The following CDK5RAP2 variants were observed in gnomAD, a reference collection of about 807,000 sequenced individuals.
CDK5RAP2 encodes the protein CDK5 regulatory subunit-associated protein 2.
CDK5RAP2 carries 147 observed loss-of-function variants against 232.9 expected under a neutral mutation model. The ratio of observed to expected loss-of-function variants is 0.63; its 90% CI spans 0.55 to 0.72. CDK5RAP2 has a LOEUF of 0.72. CDK5RAP2 is among the 30% of genes least tolerant of loss of function. The pLI is 0.00. For missense variants in CDK5RAP2, 2,195 were observed against 2,231.5 expected (o/e 0.98, Z 0.33); for synonymous variants, 833 against 833.7 (o/e 1.00, Z 0.01).
At chr9:120,425,852 G>A (rs187387141) in intron 25 of CDK5RAP2, among the ~76,000 whole-genome samples, 104 of 152,280 alleles carry the variant, frequency 6.8e-4, no homozygotes, top group Non-Finnish European at 1.3e-3. Context: ...TGAATGAGGA[G>A]CCACCCTATC....
chr9:120,465,664 C>T (rs954126768), intron 18 of CDK5RAP2, among the ~76,000 whole-genome samples: 2 of 151,184 alleles, frequency 1.3e-5, no homozygotes, highest in Non-Finnish European at 1.5e-5. Context: ...TCTATCTGTC[C>T]TTTGGCCTAC....
intron 25 of CDK5RAP2, among the ~76,000 whole-genome samples, chr9:120,423,948 A>G (rs932647836): frequency 3.3e-5 from 5 of 152,222 alleles, no homozygotes; most frequent in African/African-American, 1.2e-4. Flanking sequence ...CTGGGCACCA[A>G]GAGTCAGTGC....
intron 3 of CDK5RAP2, among the ~76,000 whole-genome samples, chr9:120,565,503 A>C (rs1300849716): frequency 1.3e-5 from 2 of 152,128 alleles, no homozygotes; most frequent in Non-Finnish European, 2.9e-5. Flanking sequence ...CAAAAACCAA[A>C]CAAAGCAGTG....
intron 4 of CDK5RAP2, among the ~76,000 whole-genome samples, chr9:120,548,347 A>C (rs2041926327): frequency 6.6e-6 from 1 of 152,172 alleles, no homozygotes; most frequent in Non-Finnish European, 1.5e-5. Flanking sequence ...TGATGAACCA[A>C]CAGGCACTCC....
chr9:120,473,439 A>G (rs112393349), intron 15 of CDK5RAP2, among the ~76,000 whole-genome samples: 9,770 of 152,274 alleles, frequency 0.064, 1,021 homozygotes, highest in African/African-American at 0.22. Context: ...AGAGGCAATT[A>G]CTCCAAATAT....
chr9:120,528,019 TTCTA>T, intron 9 of CDK5RAP2, 94 bp from the exon 10 acceptor site: 1 of 1,460,646 alleles, frequency 6.8e-7, no homozygotes, highest in East Asian at 2.3e-5. Flanking sequence ...AATGCAGTTA[TTCTA>T]TCTTATTCCT....
Position 120,560,957 on chromosome 9 carries a change from C to T in CDK5RAP2, c.195+7364G>A, listed in dbSNP as rs59722961. ...AAATAATGGTATGTGTATACACACA[C>T]ACACAGTAAAGCCTTTTTTAAAAAG... On this transcript the variant is annotated intron_variant, in intron 3 of 37. Coordinates refer to ENST00000349780, the MANE Select transcript of CDK5RAP2 (RefSeq NM_018249.6). Among the ~76,000 whole-genome samples, 558 of 151,984 alleles carry T rather than the reference C, an allele frequency of 3.7e-3. 3 individuals carry two copies. The highest frequency in any genetic ancestry group is 0.012 in the African/African-American group (514 of 41,426).
chr9:120,525,921 C>A (rs1171176904), intron 10 of CDK5RAP2, among the ~76,000 whole-genome samples: 1 of 152,182 alleles, frequency 6.6e-6, no homozygotes, highest in Non-Finnish European at 1.5e-5. Flanking sequence ...CCCAAAGTGA[C>A]TACTATCACT....
At chr9:120,550,228 C>A (rs1370471421) in intron 4 of CDK5RAP2, among the ~76,000 whole-genome samples, 2 of 152,184 alleles carry the variant, frequency 1.3e-5, no homozygotes, top group Non-Finnish European at 2.9e-5. Context: ...CAGGCAAGCA[C>A]ACAGGAATAC....
At chr9:120,575,273 G>A (rs1426992720) in intron 1 of CDK5RAP2, among the ~76,000 whole-genome samples, 1 of 151,990 alleles carries the variant, frequency 6.6e-6, no homozygotes, top group Non-Finnish European at 1.5e-5. Context: ...GGCTGGTCTT[G>A]AACTCCTGAG....
chr9:120,500,576 A>G (rs1031532772), intron 12 of CDK5RAP2, among the ~76,000 whole-genome samples: 2 of 152,214 alleles, frequency 1.3e-5, no homozygotes, highest in African/African-American at 4.8e-5. Context: ...ATATTTGACT[A>G]TTGTTTGAAT....
At chr9:120,401,435 A>AC (rs1176875776) in intron 34 of CDK5RAP2, among the ~76,000 whole-genome samples, 1 of 151,740 alleles carries the variant, frequency 6.6e-6, no homozygotes, top group Non-Finnish European at 1.5e-5. Context: ...ACATAGTGAG[A>AC]CCCCCATCTC....
At chr9:120,540,931 A>G (rs1302178787) in intron 5 of CDK5RAP2, among the ~76,000 whole-genome samples, 2 of 152,154 alleles carry the variant, frequency 1.3e-5, no homozygotes, top group Non-Finnish European at 2.9e-5. Flanking sequence ...CAAGGCGCCT[A>G]TTTCCATTTC....
At chr9:120,423,156 C>T (rs114321663) in intron 25 of CDK5RAP2, among the ~76,000 whole-genome samples, 13 of 152,218 alleles carry the variant, frequency 8.5e-5, no homozygotes, top group African/African-American at 3.1e-4. Context: ...ATGGAAGATA[C>T]CATATTACAA....
intron 17 of CDK5RAP2, 100 bp downstream of exon 17, chr9:120,470,011 G>C: frequency 5.9e-6 from 4 of 683,382 alleles, no homozygotes. Context: ...GAAGGAAGGA[G>C]AGAGGCCTTC....
At chr9:120,389,570 G>A (rs978426117) in intron 37 of CDK5RAP2, among the ~76,000 whole-genome samples, 171 bp downstream of exon 37, 5 of 152,126 alleles carry the variant, frequency 3.3e-5, no homozygotes, top group East Asian at 1.9e-4. Flanking sequence ...CCCTACTGGC[G>A]ACAGGGCATG....
At chr9:120,397,924 C>A (rs2032659006) in intron 35 of CDK5RAP2, among the ~76,000 whole-genome samples, 1 of 152,180 alleles carries the variant, frequency 6.6e-6, no homozygotes, top group South Asian at 2.1e-4. Flanking sequence ...CCAGGGCCCA[C>A]ACTTATGGGA....
At position 120,439,532 on chromosome 9, in the gene CDK5RAP2, T is replaced by C; in HGVS notation, c.3589A>G (p.Arg1197Gly). The C allele has an allele frequency of 1.2e-6, 2 of 1,614,238 alleles. No individual in the cohort carries two copies. Among genetic ancestry groups the C allele is most frequent in the East Asian group, 4.5e-5 (2 of 44,886 alleles). Reference sequence around the variant, plus strand: ...TGCTGTTTGAGGTTCTCCAGCACCCTGCTGTCAATCATCTCTGGGGCCAGC... The same window carrying C: ...TGCTGTTTGAGGTTCTCCAGCACCCCGCTGTCAATCATCTCTGGGGCCAGC... The part of the protein sequence containing the change: ...GPLAPEMIDS[R>G]VLENLKQQLE... The change falls in exon 24 of 38, where the codon AGG (arginine) becomes GGG (glycine). Residue 1197 changes from arginine to glycine, a missense_variant. Arg to Gly is a moderately radical substitution (Grantham distance 125). Transcript: ENST00000349780.
chr9:120,507,030 G>A (rs539866807), intron 12 of CDK5RAP2, among the ~76,000 whole-genome samples: 14 of 152,224 alleles, frequency 9.2e-5, no homozygotes, highest in East Asian at 1.9e-4. Context: ...GTTAATCAAC[G>A]TGGCAAACTT....
Sources: allele counts gnomAD v4.1 joint callset (sites outside exome capture counted in the v4.1 genomes callset), GRCh38; gene constraint gnomAD v4.1.1; transcripts MANE v1.5; gene names NCBI Gene and HGNC (gene_info 2026-07-23, HGNC 2026-07-21).